The following FSTL4 variants were observed in gnomAD, a reference collection of about 807,000 sequenced individuals.
The protein encoded by FSTL4 is follistatin like 4.
Under a neutral mutation model 78.2 loss-of-function variants are expected in FSTL4, and 28 were observed. The observed-to-expected ratio is 0.36, with a 90% confidence interval of 0.27 to 0.49. The LOEUF is 0.49. Among genes scored for constraint, FSTL4 ranks in the 20% least tolerant of loss-of-function variants. The pLI is 0.98. For missense variants in FSTL4, 922 were observed against 1,084.9 expected (o/e 0.85, Z 2.11); for synonymous variants, 422 against 440.5 (o/e 0.96, Z 0.53).
At chr5:133,502,473 C>T (rs944286223) in intron 3 of FSTL4, among the ~76,000 whole-genome samples, 3 of 152,130 alleles carry the variant, frequency 2.0e-5, no homozygotes, top group South Asian at 2.1e-4. Flanking sequence ...TGTGTCCCCA[C>T]GAAATCTCCT....
chr5:133,457,209 G>C (rs182377835), intron 3 of FSTL4, among the ~76,000 whole-genome samples: 9 of 152,354 alleles, frequency 5.9e-5, no homozygotes, highest in African/African-American at 2.2e-4. Context: ...TGTGGCTGCA[G>C]GGGAATTTTA....
chr5:133,507,247 T>C (rs986829430), intron 3 of FSTL4, among the ~76,000 whole-genome samples: 1 of 152,070 alleles, frequency 6.6e-6, no homozygotes, highest in Non-Finnish European at 1.5e-5. Flanking sequence ...GCAGGCAATA[T>C]AAATATTAGT....
At chr5:133,270,023 A>G (rs1185519980) in intron 6 of FSTL4, 1 of 152,204 alleles carries the variant, frequency 6.6e-6, no homozygotes, top group Non-Finnish European at 1.5e-5. Context: ...CTAACTCAAT[A>G]AAGTACGTGT....
At chr5:133,665,288 T>C in the FSTL4 span, among the ~76,000 whole-genome samples, 1 of 152,242 alleles carries the variant, frequency 6.6e-6, no homozygotes, top group Admixed American at 6.5e-5. Flanking sequence ...CAGGTTTCAA[T>C]GAGATTTGGT....
chr5:133,237,104 A>T (rs1219461028), intron 7 of FSTL4, among the ~76,000 whole-genome samples: 3 of 152,086 alleles, frequency 2.0e-5, no homozygotes, highest in African/African-American at 7.2e-5. Context: ...GTCCACTCAA[A>T]TATTACCCAG....
chr5:133,284,328 T>A (rs1264803026), intron 6 of FSTL4, among the ~76,000 whole-genome samples: 1 of 152,244 alleles, frequency 6.6e-6, no homozygotes, highest in Non-Finnish European at 1.5e-5. Context: ...AAGTGTTGCT[T>A]CCTCTAATTA....
intron 3 of FSTL4, among the ~76,000 whole-genome samples, chr5:133,542,083 A>G (rs1759484699): frequency 6.6e-6 from 1 of 152,180 alleles, no homozygotes; most frequent in Admixed American, 6.5e-5. Context: ...CGCATTATAT[A>G]CTAAATACAT....
At chr5:133,534,271 CTTGAGT>C (rs1561460238) in intron 3 of FSTL4, among the ~76,000 whole-genome samples, 1 of 152,086 alleles carries the variant, frequency 6.6e-6, no homozygotes, top group African/African-American at 2.4e-5. Flanking sequence ...TTTTCTGTCA[CTTGAGT>C]TTAAGAAAAG....
At chr5:133,783,431 G>A in the FSTL4 span, among the ~76,000 whole-genome samples, 3 of 152,156 alleles carry the variant, frequency 2.0e-5, no homozygotes, top group Admixed American at 2.0e-4. Context: ...AAGGCATCCT[G>A]GTTTAGGTGA....
chr5:133,691,997 T>A, the FSTL4 span, among the ~76,000 whole-genome samples: 1 of 152,146 alleles, frequency 6.6e-6, no homozygotes, highest in Admixed American at 6.5e-5. Context: ...CTCATAGAAT[T>A]TACAGTCCAG....
intron 6 of FSTL4, among the ~76,000 whole-genome samples, chr5:133,306,087 G>C (rs1171047074): frequency 2.0e-5 from 3 of 152,236 alleles, no homozygotes; most frequent in African/African-American, 4.8e-5. Flanking sequence ...TTGCCAGCCT[G>C]CCAGGGCCCA....
chr5:133,787,249 T>C, the FSTL4 span, among the ~76,000 whole-genome samples: 1 of 152,230 alleles, frequency 6.6e-6, no homozygotes, highest in African/African-American at 2.4e-5. Context: ...TCAAATTTAA[T>C]TGGGTAGCCT....
At chr5:133,345,921 T>C (rs771536864) in intron 4 of FSTL4, among the ~76,000 whole-genome samples, 1 of 152,232 alleles carries the variant, frequency 6.6e-6, no homozygotes. Context: ...AATCCTATTC[T>C]ACTATAAAGA....
chr5:133,538,634 A>C (rs979228540), intron 3 of FSTL4, among the ~76,000 whole-genome samples: 2 of 151,698 alleles, frequency 1.3e-5, no homozygotes, highest in African/African-American at 4.9e-5. Context: ...CTTTATGTCC[A>C]TCTACTTATT....
the FSTL4 span, among the ~76,000 whole-genome samples, chr5:133,643,520 G>A: frequency 1.3e-5 from 2 of 151,930 alleles, no homozygotes; most frequent in Admixed American, 6.6e-5. Flanking sequence ...TGCCTGCCAC[G>A]CCACCACTCT....
rs1758771985 is a variant in FSTL4, at chr5:133,513,177, A to G, written c.160+54009T>C. On this transcript the variant is annotated intron_variant, in intron 3 of 15. Coordinates refer to ENST00000265342, the MANE Select transcript of FSTL4 (RefSeq NM_015082.2). ...CCTCCAGAGAGCTGCGCCTTTGCTA[A>G]TCCTCTTCTGTAACAGGCATTTTGC... Among the ~76,000 whole-genome samples, 4 of 152,154 alleles carry G rather than the reference A, an allele frequency of 2.6e-5. No homozygotes were observed. The South Asian group carries it at 8.3e-4, about 32-fold the overall frequency.
At chr5:133,269,388 G>A (rs192804063) in intron 6 of FSTL4, among the ~76,000 whole-genome samples, 12 of 152,302 alleles carry the variant, frequency 7.9e-5, no homozygotes, top group Middle Eastern at 3.4e-3. Flanking sequence ...TCCATGAGGC[G>A]TGAGACGGGG....
At chr5:133,413,079 ATTC>A (rs1756510937) in intron 3 of FSTL4, among the ~76,000 whole-genome samples, 1 of 151,990 alleles carries the variant, frequency 6.6e-6, no homozygotes, top group African/African-American at 2.4e-5. Flanking sequence ...TATCTCTTTT[ATTC>A]TTCTACTGTT....
chr5:133,804,340 A>G, the FSTL4 span, among the ~76,000 whole-genome samples: 14 of 152,306 alleles, frequency 9.2e-5, no homozygotes, highest in East Asian at 2.3e-3. Flanking sequence ...CATGGCTGAT[A>G]TAGTGCAGTG....
Sources: gnomAD v4.1 joint callset for allele counts (sites outside exome capture counted in the v4.1 genomes callset) on GRCh38, gnomAD v4.1.1 for gene constraint, MANE v1.5 for transcripts, NCBI Gene and HGNC (gene_info 2026-07-23, HGNC 2026-07-21) for gene names.